DLAT: variants seen among roughly 807,000 people sequenced by gnomAD.
DLAT encodes dihydrolipoyllysine-residue acetyltransferase component of pyruvate dehydrogenase complex, mitochondrial.
DLAT carries 43 observed loss-of-function variants against 68.0 expected under a neutral mutation model. That is an observed-to-expected ratio of 0.63 (90% CI 0.50 to 0.81). The LOEUF (loss-of-function observed/expected upper bound fraction) is 0.81, where lower values mean the gene tolerates loss of function less well. Among genes scored for constraint, DLAT ranks in the 40% least tolerant of loss-of-function variants. The pLI is 0.00. For missense variants in DLAT, 745 were observed against 815.4 expected (o/e 0.91, Z 1.05); for synonymous variants, 265 against 288.6 (o/e 0.92, Z 0.83).
At position 112,051,467 on chromosome 11, in the gene DLAT, G is replaced by A; in HGVS notation, c.1514+118G>A. ...TACAGAGAGGCAGATGACTTACATA[G>A]GTCAAACAACTTGAAAACAACACAA... is the stretch of plus-strand genomic sequence containing the variant. On this transcript the variant is annotated intron_variant, in intron 11 of 13. Coordinates refer to ENST00000280346, the MANE Select transcript of DLAT (RefSeq NM_001931.5). The surrounding 1 kb of genome is among the most constrained non-coding windows in gnomAD (Gnocchi z 4.3). 2.7e-6 allele frequency: 2 copies of A among 732,584 alleles called. No homozygotes were observed. Among genetic ancestry groups the A allele is most frequent in the East Asian group, 2.7e-5 (1 of 37,590 alleles). The allele number at this position is 732,584 out of a possible 1,614,324, so 45.4% of individuals were successfully genotyped here. A position where few individuals can be genotyped will look rare whatever the true frequency, so the allele number is the denominator to read the frequency against.
At chr11:112,053,976 C>G (rs1555182243) in intron 11 of DLAT, among the ~76,000 whole-genome samples, 2 of 151,986 alleles carry the variant, frequency 1.3e-5, no homozygotes, top group East Asian at 3.9e-4. Flanking sequence ...ACACATAACA[C>G]CATCTTCCCA....
chr11:112,039,374 G>A lies in DLAT; in HGVS notation c.1106G>A (p.Gly369Glu), dbSNP rs1379540393. ...GCAAAGAAGTTGGCAGTAGAGAAAG[G>A]GATTGATCTTACACAAGTAAAAGGT... Reference protein sequence around the residue: ...PLAKKLAVEKGIDLTQVKGTG... With the variant: ...PLAKKLAVEKEIDLTQVKGTG... The change falls in exon 7 of 14, where the codon GGG becomes GAG. Residue 369 changes from glycine to glutamate, a missense_variant. Coordinates refer to ENST00000280346, the MANE Select transcript of DLAT (RefSeq NM_001931.5). 2 of 1,613,706 alleles carry A rather than the reference G, an allele frequency of 1.2e-6. No homozygotes were observed. The highest frequency in any genetic ancestry group is 1.1e-5 in the South Asian group (1 of 91,062).
intron 5 of DLAT, 114 bp downstream of exon 5, chr11:112,033,644 G>T: frequency 4.9e-6 from 6 of 1,213,178 alleles, no homozygotes; most frequent in Non-Finnish European, 7.1e-6. Context: ...ATAATTCTTA[G>T]GATTCATTTT....
chr11:112,032,826 G>A (rs1555180071), intron 4 of DLAT, among the ~76,000 whole-genome samples: 1 of 152,164 alleles, frequency 6.6e-6, no homozygotes, highest in African/African-American at 2.4e-5. Flanking sequence ...AGCACTTTGG[G>A]AGGCCAGGGC....
intron 4 of DLAT, among the ~76,000 whole-genome samples, chr11:112,030,989 C>T (rs781870216): frequency 9.9e-5 from 15 of 152,174 alleles, no homozygotes; most frequent in Non-Finnish European, 1.8e-4. Context: ...GTGTCTGTAG[C>T]TTTGTGTGCA....
intron 4 of DLAT, 151 bp from the exon 5 acceptor site, chr11:112,033,253 T>G: frequency 1.2e-6 from 1 of 863,574 alleles, no homozygotes; most frequent in Non-Finnish European, 1.8e-6. Flanking sequence ...ATTTACCTGG[T>G]GGGAAGCTAT....
At position 112,064,100 on chromosome 11, in the gene DLAT, A is replaced by G; in HGVS notation, c.*1565A>G. The G allele has an allele frequency of 1.5e-6, 2 of 1,308,390 alleles. No individual in the cohort carries two copies. The highest frequency in any genetic ancestry group is 1.4e-5 in the South Asian group (1 of 69,988). The allele number at this position is 1,308,390 out of a possible 1,614,324, so 81.0% of individuals were successfully genotyped here. Reference sequence around the variant, plus strand: ...AGTAATTAGTAATTTTAGGTTGAAGATTATCCAAAAGAAACAAGCTTATCA... The same window carrying G: ...AGTAATTAGTAATTTTAGGTTGAAGGTTATCCAAAAGAAACAAGCTTATCA... On this transcript the variant is annotated 3_prime_UTR_variant, in exon 14 of 14. Transcript: ENST00000280346.
rs2137699929 is a variant in DLAT, at chr11:112,028,862, C to G, written c.577C>G (p.Pro193Ala). 1.2e-6 allele frequency: 2 copies of G among 1,614,182 alleles called. No individual in the cohort carries two copies. The highest frequency in any genetic ancestry group is 1.7e-6 in the Non-Finnish European group (2 of 1,180,032). ...SSAAPTPQAA[P>A]APTPAATASP... is the part of the protein sequence containing the mutation. ...AGCAGCACCTACCCCACAAGCGGCC[C>G]CAGCACCAACCCCTGCTGCCACTGC... Residue 193 changes from proline to alanine, a missense_variant, in exon 4 of 14, where the codon CCA (proline) becomes GCA (alanine). Pro to Ala is a conservative substitution (Grantham distance 27). Coordinates refer to ENST00000280346, the MANE Select transcript of DLAT (RefSeq NM_001931.5).
chr11:112,045,791 GACAA>G, intron 9 of DLAT, 68 bp from the exon 10 acceptor site: 1 of 922,798 alleles, frequency 1.1e-6, no homozygotes. Context: ...AAGGTGAAGA[GACAA>G]ACAGAGCCCT....
chr11:112,027,721 A>T (rs1290170689), intron 2 of DLAT, among the ~76,000 whole-genome samples: 1 of 152,240 alleles, frequency 6.6e-6, no homozygotes, highest in Non-Finnish European at 1.5e-5. Flanking sequence ...AACACAGCGA[A>T]ACCCCGTCTC....
Position 112,062,583 on chromosome 11 carries a change from TAAC to T in DLAT, c.*51_*53del. On this transcript the variant is annotated 3_prime_UTR_variant, in exon 14 of 14. Coordinates refer to ENST00000280346, the MANE Select transcript of DLAT (RefSeq NM_001931.5). Reference sequence around the variant, plus strand: ...CTCCCAGGTCACACTGATTCATTCTTAACAAGATATTTATATGTTATTAAACAG... The same window carrying T: ...CTCCCAGGTCACACTGATTCATTCTTAAGATATTTATATGTTATTAAACAG... The T allele has an allele frequency of 6.3e-7, 1 of 1,593,740 alleles. No individual in the cohort carries two copies. Among genetic ancestry groups the T allele is most frequent in the Non-Finnish European group, 8.6e-7 (1 of 1,164,094 alleles).
chr11:112,061,521 G>A (rs1050111923), intron 13 of DLAT: 12 of 293,472 alleles, frequency 4.1e-5, no homozygotes, highest in South Asian at 2.8e-4. Context: ...CTATGGATTC[G>A]GAACCCATGG....
intron 4 of DLAT, among the ~76,000 whole-genome samples, chr11:112,032,016 G>A (rs1862433873): frequency 6.9e-6 from 1 of 145,352 alleles, no homozygotes; most frequent in Non-Finnish European, 1.5e-5. Context: ...GAGTAGCTGG[G>A]ACTACAGGTG....
At chr11:112,044,673 T>A (rs2137788811) in intron 8 of DLAT, among the ~76,000 whole-genome samples, 1 of 151,888 alleles carries the variant, frequency 6.6e-6, no homozygotes, top group East Asian at 1.9e-4. Context: ...AGTAAAAAAA[T>A]TAAAACTCTT....
chr11:112,058,939 A>G (rs1555182872), intron 11 of DLAT, among the ~76,000 whole-genome samples: 1 of 151,664 alleles, frequency 6.6e-6, no homozygotes, highest in African/African-American at 2.4e-5. Context: ...TTTTCTAGTA[A>G]TTTGAGTATT....
At position 112,051,371 on chromosome 11, in the gene DLAT, A is replaced by G; in HGVS notation, c.1514+22A>G. 1.3e-6 allele frequency: 2 copies of G among 1,505,070 alleles called. No homozygotes were observed. The highest frequency in any genetic ancestry group is 1.8e-6 in the Non-Finnish European group (2 of 1,081,650). The allele number at this position is 1,505,070 out of a possible 1,614,324, so 93.2% of individuals were successfully genotyped here. A position where few individuals can be genotyped will look rare whatever the true frequency, so the allele number is the denominator to read the frequency against. On this transcript the variant is annotated intron_variant, in intron 11 of 13. Transcript: ENST00000280346. This position sits in a 1 kb window ranked among gnomAD's most constrained non-coding sequence, Gnocchi z 4.3. ...GACAGTAAGTATAACTGGGGAAGAT[A>G]TATATCCATCGGTAGTTTTCTTGTA...
chr11:112,036,167 ATGTGTGTGTGTGTG>A (rs1311809853), intron 5 of DLAT, among the ~76,000 whole-genome samples: 5 of 82,572 alleles, frequency 6.1e-5, no homozygotes, highest in Non-Finnish European at 8.4e-5. Context: ...GTGTGTATAT[ATGTGTGTGTGTGTG>A]TGTGTGTGTG....
At chr11:112,027,196 A>G (rs587725087) in intron 2 of DLAT, among the ~76,000 whole-genome samples, 13 of 145,724 alleles carry the variant, frequency 8.9e-5, no homozygotes, top group African/African-American at 2.1e-4. Context: ...GGCGGTTGCC[A>G]GGCGGAGGGT....
intron 5 of DLAT, 84 bp from the exon 6 acceptor site, chr11:112,037,189 A>G: frequency 2.2e-6 from 3 of 1,360,420 alleles, no homozygotes; most frequent in South Asian, 2.4e-5. Context: ...AATGAGAAAA[A>G]TCACTTTACT....
Sources: allele counts gnomAD v4.1 joint callset (sites outside exome capture counted in the v4.1 genomes callset), GRCh38; gene constraint gnomAD v4.1.1; non-coding constraint Gnocchi (gnomAD v3.1); transcripts MANE v1.5; gene names NCBI Gene and HGNC (gene_info 2026-07-23, HGNC 2026-07-21).